Variants in TMEM132B observed in about 807,000 individuals in gnomAD.
TMEM132B encodes transmembrane protein 132B.
TMEM132B carries 18 observed loss-of-function variants against 90.8 expected under a neutral mutation model. The observed-to-expected ratio is 0.20, with a 90% confidence interval of 0.14 to 0.29. TMEM132B has a LOEUF of 0.29. Among genes scored for constraint, TMEM132B ranks in the 10% least tolerant of loss-of-function variants. TMEM132B has a pLI of 1.00. For missense variants in TMEM132B, 1,096 were observed against 1,326.8 expected (o/e 0.83, Z 2.70); for synonymous variants, 504 against 523.3 (o/e 0.96, Z 0.50).
chr12:125,548,595 G>A (rs974267602), intron 4 of TMEM132B, among the ~76,000 whole-genome samples: 41 of 152,208 alleles, frequency 2.7e-4, no homozygotes, highest in African/African-American at 8.9e-4. Context: ...AGGAACAGGC[G>A]AAAGGCTGGT....
chr12:125,211,049 C>T (rs1426903429), intron 1 of TMEM132B, among the ~76,000 whole-genome samples: 1 of 150,176 alleles, frequency 6.7e-6, no homozygotes, highest in Non-Finnish European at 1.5e-5. Flanking sequence ...CCAGCCTGGG[C>T]AACAGTGAGA....
chr12:125,292,326 G>C (rs1161784168), intron 1 of TMEM132B, among the ~76,000 whole-genome samples: 3 of 152,178 alleles, frequency 2.0e-5, no homozygotes, highest in Non-Finnish European at 4.4e-5. Context: ...AGCTTGAAAG[G>C]TTTTACACAC....
intron 5 of TMEM132B, among the ~76,000 whole-genome samples, chr12:125,602,957 A>G (rs1053384626): frequency 6.6e-6 from 1 of 152,002 alleles, no homozygotes; most frequent in African/African-American, 2.4e-5. Context: ...TCAAGGAAAT[A>G]AGAGTACACA....
chr12:125,369,136 C>T (rs1878221223), intron 2 of TMEM132B, among the ~76,000 whole-genome samples: 1 of 152,012 alleles, frequency 6.6e-6, no homozygotes, highest in Admixed American at 6.6e-5. Flanking sequence ...GTTTTCTGTA[C>T]TTGCGATAGT....
chr12:125,544,289 C>T (rs1161835310), intron 4 of TMEM132B, among the ~76,000 whole-genome samples: 1 of 152,146 alleles, frequency 6.6e-6, no homozygotes, highest in African/African-American at 2.4e-5. Flanking sequence ...CCATGACACA[C>T]ATTTACCTAT....
intron 1 of TMEM132B, among the ~76,000 whole-genome samples, chr12:125,225,888 C>T (rs914113274): frequency 3.9e-5 from 6 of 152,144 alleles, no homozygotes; most frequent in Admixed American, 2.6e-4. Context: ...TGTAGTCCAC[C>T]TGTGGGCCCA....
intron 1 of TMEM132B, among the ~76,000 whole-genome samples, chr12:125,227,162 G>T (rs1349720903): frequency 2.6e-5 from 4 of 152,172 alleles, no homozygotes; most frequent in Admixed American, 2.6e-4. Flanking sequence ...TGGGACTGCG[G>T]CCCAGTTGCC....
chr12:125,459,551 T>A lies in TMEM132B; in HGVS notation c.1106+43874T>A, dbSNP rs1476440072. ...GTAGTAGTAGGGTGTGGTGGGGATG[T>A]CTAATGGGTACAAAAAATATAGTTA... On this transcript the variant is annotated intron_variant, in intron 3 of 8. Coordinates refer to ENST00000682704, the MANE Select transcript of TMEM132B (RefSeq NM_001366854.1). The surrounding 1 kb of genome is among the most constrained non-coding windows in gnomAD (Gnocchi z 4.1). Among the ~76,000 whole-genome samples the A allele has an allele frequency of 6.6e-6, 1 of 152,164 alleles. No individual in the cohort carries two copies. Among genetic ancestry groups the A allele is most frequent in the East Asian group, 1.9e-4 (1 of 5,200 alleles).
chr12:125,331,571 C>T (rs186261162), intron 1 of TMEM132B, among the ~76,000 whole-genome samples: 60 of 152,236 alleles, frequency 3.9e-4, no homozygotes, highest in Non-Finnish European at 6.8e-4. Context: ...GTCTCTTCCC[C>T]AAGCTGAGGA....
intron 4 of TMEM132B, among the ~76,000 whole-genome samples, chr12:125,573,961 T>G (rs1186838433): frequency 6.6e-6 from 1 of 152,208 alleles, no homozygotes; most frequent in East Asian, 1.9e-4. Flanking sequence ...AGGGTCCAAT[T>G]CATCACGTTA....
chr12:125,500,575 GT>G (rs1445724381), intron 3 of TMEM132B, among the ~76,000 whole-genome samples: 1 of 152,190 alleles, frequency 6.6e-6, no homozygotes, highest in Non-Finnish European at 1.5e-5. Context: ...CTTGCAGAGG[GT>G]AAGGCATGGA....
intron 6 of TMEM132B, among the ~76,000 whole-genome samples, chr12:125,650,427 C>T (rs1254239597): frequency 6.6e-6 from 1 of 152,162 alleles, no homozygotes; most frequent in Non-Finnish European, 1.5e-5. Context: ...AGACCAGAGC[C>T]TCAGCCTCTG....
At chr12:125,641,106 A>G (rs1886619759) in intron 5 of TMEM132B, among the ~76,000 whole-genome samples, 1 of 152,190 alleles carries the variant, frequency 6.6e-6, no homozygotes, top group Non-Finnish European at 1.5e-5. Context: ...GAAGCTTCCC[A>G]CACAGTGCTC....
At chr12:125,426,188 C>G (rs1254242551) in intron 3 of TMEM132B, among the ~76,000 whole-genome samples, 8 of 152,154 alleles carry the variant, frequency 5.3e-5, no homozygotes, top group East Asian at 3.8e-4. Flanking sequence ...TTGCAGCTCC[C>G]CAATGATACA....
chr12:125,395,146 T>C (rs771690400), intron 2 of TMEM132B, among the ~76,000 whole-genome samples: 42 of 152,212 alleles, frequency 2.8e-4, no homozygotes, highest in Non-Finnish European at 4.4e-4. Context: ...CCCAGGCTAG[T>C]TGAGAAGTCT....
intron 1 of TMEM132B, among the ~76,000 whole-genome samples, chr12:125,268,105 G>A (rs1178497761): frequency 2.0e-5 from 3 of 152,146 alleles, no homozygotes; most frequent in African/African-American, 4.8e-5. Flanking sequence ...AAACAACAAC[G>A]AAAAATAAAG....
chr12:125,206,973 AGCCCC>A (rs1159490312), intron 1 of TMEM132B, among the ~76,000 whole-genome samples: 3 of 152,070 alleles, frequency 2.0e-5, no homozygotes, highest in Admixed American at 2.0e-4. Flanking sequence ...TTGGAGTAAG[AGCCCC>A]GCCTGTTTCT....
intron 1 of TMEM132B, among the ~76,000 whole-genome samples, chr12:125,214,352 G>A (rs191481205): frequency 2.6e-5 from 4 of 152,250 alleles, no homozygotes; most frequent in Non-Finnish European, 2.9e-5. Flanking sequence ...TCTAAAGCAC[G>A]GCTGTTGGGT....
chr12:125,223,051 C>A (rs990690385), intron 1 of TMEM132B, among the ~76,000 whole-genome samples: 1 of 152,158 alleles, frequency 6.6e-6, no homozygotes, highest in Non-Finnish European at 1.5e-5. Flanking sequence ...TTCAGGAAGT[C>A]GATGAAAGTG....
Sources: allele counts gnomAD v4.1 joint callset (sites outside exome capture counted in the v4.1 genomes callset), GRCh38; gene constraint gnomAD v4.1.1; non-coding constraint Gnocchi (gnomAD v3.1); transcripts MANE v1.5; gene names NCBI Gene and HGNC (gene_info 2026-07-23, HGNC 2026-07-21).